The following TRANK1 variants were observed in gnomAD, a reference collection of about 807,000 sequenced individuals.
TRANK1 encodes the protein tetratricopeptide repeat and ankyrin repeat containing 1.
Under a neutral mutation model 266.0 loss-of-function variants are expected in TRANK1, and 198 were observed. The ratio of observed to expected loss-of-function variants is 0.74; its 90% confidence interval spans 0.66 to 0.84. The LOEUF (loss-of-function observed/expected upper bound fraction) is 0.84, where lower values mean the gene tolerates loss of function less well. Among genes scored for constraint, TRANK1 ranks in the 40% least tolerant of loss-of-function variants. TRANK1 has a pLI of 0.00. For synonymous variants in TRANK1, 1,396 were observed against 1,384.1 expected, an observed-to-expected ratio of 1.01 and a Z score of -0.19; for missense variants, 3,326 against 3,634.6, an observed-to-expected ratio of 0.92 and a Z score of 2.18.
rs760727761 is a variant in TRANK1 at position 36,831,582 on chromosome 3, C to G, written c.8001G>C (p.Glu2667Asp). Residue 2667 changes from glutamate to aspartate, a missense_variant, in exon 22 of 24, where the codon GAG (glutamate) becomes GAC (aspartate). By Grantham distance (45) the Glu-to-Asp change is conservative. Coordinates refer to ENST00000645898, the MANE Select transcript of TRANK1 (RefSeq NM_001329998.2). The surrounding 1 kb of genome is among the most constrained non-coding windows in gnomAD (Gnocchi z 5.0). ...GSIVRGLYYEEVRLNRLLCLD... is the reference protein window; with the variant it reads ...GSIVRGLYYEDVRLNRLLCLD... The stretch of plus-strand genomic sequence containing the variant: ...AACAGAGCAGGCGGTTTAGTCTGAC[C>G]TCCTCATAATAGAGGCCACGGACTA... 6.3e-5 allele frequency: 101 copies of G among 1,613,588 alleles called. No homozygotes were observed. Among genetic ancestry groups the G allele is most frequent in the Non-Finnish European group, 8.4e-5 (99 of 1,179,742 alleles).
chr3:36,832,769 G>C lies in TRANK1; in HGVS notation c.6814C>G (p.Leu2272Val), dbSNP rs1218287229. 1 of 1,614,002 alleles carries C rather than the reference G, an allele frequency of 6.2e-7. No homozygotes were observed. Among genetic ancestry groups the C allele is most frequent in the Admixed American group, 1.7e-5 (1 of 60,028 alleles). Reference protein sequence around the residue: ...YGLCKSILDVLFPKHFHQRVL... With the variant: ...YGLCKSILDVVFPKHFHQRVL... ...CTCTGATGGAAATGCTTAGGGAAAA[G>C]GACATCCAGAATGGACTTGCAAAGG... The change falls in exon 22 of 24, where the codon CTT becomes GTT. Residue 2272 changes from leucine to valine, a missense_variant. Leu to Val is a conservative substitution (Grantham distance 32). Coordinates refer to ENST00000645898, the MANE Select transcript of TRANK1 (RefSeq NM_001329998.2).
At chr3:36,922,061 A>G (rs1051196691) in intron 1 of TRANK1, among the ~76,000 whole-genome samples, 1 of 152,138 alleles carries the variant, frequency 6.6e-6, no homozygotes, top group East Asian at 1.9e-4. Flanking sequence ...GCTGAAGATC[A>G]CTTGAGCCCT....
chr3:36,888,766 C>T (rs1481778062), intron 8 of TRANK1, among the ~76,000 whole-genome samples: 2 of 152,158 alleles, frequency 1.3e-5, no homozygotes, highest in Non-Finnish European at 2.9e-5. Flanking sequence ...TTTAAAAAAT[C>T]CAGATTTCTG....
At chr3:36,884,489 T>C (rs942131181) in intron 8 of TRANK1, among the ~76,000 whole-genome samples, 1 of 152,204 alleles carries the variant, frequency 6.6e-6, no homozygotes, top group Non-Finnish European at 1.5e-5. Context: ...GAGTGCCTTA[T>C]GGCTAAAGCT....
At chr3:36,845,599 T>C (rs1037922954) in intron 17 of TRANK1, among the ~76,000 whole-genome samples, 4 of 152,378 alleles carry the variant, frequency 2.6e-5, no homozygotes, top group Admixed American at 6.5e-5. Flanking sequence ...TTGCATAATA[T>C]AAAGTTACTT....
At chr3:36,937,218 C>T (rs79513027) in intron 1 of TRANK1, among the ~76,000 whole-genome samples, 4,554 of 152,304 alleles carry the variant, frequency 0.03, 108 homozygotes, top group Non-Finnish European at 0.049. Context: ...CTTTGTGTAG[C>T]TAGTGGTAGA....
At position 36,873,956 on chromosome 3, in the gene TRANK1, T is replaced by A. The variant is rs1449093255; in HGVS notation, c.1078+170A>T. ...AATAAGAGCTATCTCATTCTACCTT[T>A]AAAAAAAAAAAAAAAAAGCAAACAA... On this transcript the variant is annotated intron_variant, in intron 9 of 23. Coordinates refer to ENST00000645898, the MANE Select transcript of TRANK1 (RefSeq NM_001329998.2). Among the ~76,000 whole-genome samples the A allele has an allele frequency of 3.2e-3, 407 of 126,846 alleles. 3 individuals are homozygous for A. The highest frequency in any genetic ancestry group is 0.011 in the African/African-American group (370 of 34,122). 83.2% of individuals were successfully genotyped at this position (126,846 alleles called of 152,430 possible).
At chr3:36,844,543 T>G (rs1249078141) in intron 17 of TRANK1, among the ~76,000 whole-genome samples, 5 of 152,108 alleles carry the variant, frequency 3.3e-5, no homozygotes, top group Admixed American at 2.0e-4. Context: ...TCTCTTATAG[T>G]GGATGCCAGA....
intron 17 of TRANK1, 21 bp from the exon 18 acceptor site, chr3:36,842,731 G>C: frequency 2.5e-6 from 4 of 1,604,992 alleles, no homozygotes; most frequent in Non-Finnish European, 3.4e-6. Flanking sequence ...AAAGAAAAGT[G>C]TGTTTGCTTC....
At chr3:36,864,815 G>C (rs1180658121) in intron 9 of TRANK1, among the ~76,000 whole-genome samples, 1 of 152,104 alleles carries the variant, frequency 6.6e-6, no homozygotes, top group Non-Finnish European at 1.5e-5. Flanking sequence ...TGAGAGATAA[G>C]AGACAACATA....
rs1460147377 is a variant in TRANK1, at chr3:36,856,778, C to T, written c.2944G>A (p.Val982Met). 6.2e-7 allele frequency: 1 copy of T among 1,613,888 alleles called. No individual in the cohort carries two copies. Among genetic ancestry groups the T allele is most frequent in the African/African-American group, 1.3e-5 (1 of 74,916 alleles). Residue 982 changes from valine to methionine, a missense_variant, in exon 13 of 24, where the codon GTG becomes ATG. Physicochemically the swap from Val to Met is conservative, Grantham distance 21. Coordinates refer to ENST00000645898, the MANE Select transcript of TRANK1 (RefSeq NM_001329998.2). Reference sequence around the variant, plus strand: ...TTTTGAATTTTCATGTTAGCTGACACTTGGCCTTTATTGATACCTTTCAGC... The same window carrying T: ...TTTTGAATTTTCATGTTAGCTGACATTTGGCCTTTATTGATACCTTTCAGC... ...KKLKGINKGQ[V>M]SANMKIQKRI...
At chr3:36,870,976 A>C (rs1442726242) in intron 9 of TRANK1, among the ~76,000 whole-genome samples, 3 of 151,554 alleles carry the variant, frequency 2.0e-5, no homozygotes, top group African/African-American at 7.3e-5. Flanking sequence ...AAAAAAAAAA[A>C]AAAAAAAAAA....
Position 36,860,894 on chromosome 3 carries a change from A to G in TRANK1, c.1495+12T>C. On this transcript the variant is annotated intron_variant, in intron 11 of 23. Transcript: ENST00000645898. ...GACAAGTCTCCAACGCTTAGCATCCAGTCACTCTCACCTCCACTGTCTATC... is the reference window on the plus strand; with the variant it reads ...GACAAGTCTCCAACGCTTAGCATCCGGTCACTCTCACCTCCACTGTCTATC... The G allele has an allele frequency of 6.5e-7, 1 of 1,536,896 alleles. No individual in the cohort carries two copies. The highest frequency in any genetic ancestry group is 2.4e-5 in the East Asian group (1 of 40,910).
chr3:36,833,275 T>C lies in TRANK1; in HGVS notation c.6308A>G (p.Asn2103Ser). The C allele has an allele frequency of 6.2e-7, 1 of 1,614,028 alleles. No homozygotes were observed. The highest frequency in any genetic ancestry group is 8.5e-7 in the Non-Finnish European group (1 of 1,179,896). ...SLVRALKRVT[N>S]NAEKEMVKSC... ...TTTGACCATTTCCTTCTCAGCATTG[T>C]TGGTCACTCTTTTGAGAGCCCTGAC... Residue 2103 changes from asparagine to serine, a missense_variant, in exon 22 of 24, where the codon AAC (asparagine) becomes AGC (serine). By Grantham distance (46) the Asn-to-Ser change is conservative (BLOSUM62 1). Coordinates refer to ENST00000645898, the MANE Select transcript of TRANK1 (RefSeq NM_001329998.2).
intron 6 of TRANK1, among the ~76,000 whole-genome samples, 156 bp downstream of exon 6, chr3:36,892,745 T>C (rs529486522): frequency 7.9e-5 from 12 of 151,884 alleles, no homozygotes; most frequent in African/African-American, 2.7e-4. Flanking sequence ...CAGGGAGAAT[T>C]GCTTCAACCC....
Position 36,855,774 on chromosome 3 carries a change from G to A in TRANK1, c.3948C>T (p.Asp1316=). 2 of 1,613,564 alleles carry A rather than the reference G, an allele frequency of 1.2e-6. No homozygotes were observed. Among genetic ancestry groups the A allele is most frequent in the Non-Finnish European group, 1.7e-6 (2 of 1,179,814 alleles). ...KAVEMRTGDS[D]PRVYVTFEVF... ...CCTCAAACGTCACGTACACCCGGGG[G>A]TCACTGTCACCCGTACGCATTTCTA... is the stretch of plus-strand genomic sequence containing the variant. The change falls in exon 13 of 24, where the codon GAC becomes GAT. Residue 1316 remains aspartate (D), a synonymous_variant. Transcript: ENST00000645898.
chr3:36,862,158 CT>C (rs1280091109), intron 10 of TRANK1, among the ~76,000 whole-genome samples: 1 of 151,936 alleles, frequency 6.6e-6, no homozygotes, highest in Non-Finnish European at 1.5e-5. Flanking sequence ...CATATTTATA[CT>C]AAAAAATTAT....
chr3:36,849,267 A>G (rs565106363), intron 15 of TRANK1, among the ~76,000 whole-genome samples: 3 of 152,316 alleles, frequency 2.0e-5, no homozygotes, highest in African/African-American at 7.2e-5. Context: ...GGGGCAAGGT[A>G]TAAATGGCAG....
intron 1 of TRANK1, among the ~76,000 whole-genome samples, chr3:36,942,809 CTGCAGT>C (rs2125675271): frequency 6.6e-6 from 1 of 150,742 alleles, no homozygotes; most frequent in East Asian, 1.9e-4. Flanking sequence ...GAAACAGAAC[CTGCAGT>C]TGCCCCATAA....
Sources: gnomAD v4.1 joint callset for allele counts (sites outside exome capture counted in the v4.1 genomes callset) on GRCh38, gnomAD v4.1.1 for gene constraint, Gnocchi (gnomAD v3.1) non-coding constraint, MANE v1.5 for transcripts, NCBI Gene and HGNC (gene_info 2026-07-23, HGNC 2026-07-21) for gene names.